DIS3L2: variants seen among roughly 807,000 people sequenced by gnomAD.
DIS3L2 encodes DIS3-like exonuclease 2.
Under a neutral mutation model 97.5 loss-of-function variants are expected in DIS3L2, and 34 were observed. That is an observed-to-expected ratio of 0.35 (90% CI 0.27 to 0.46). The LOEUF is 0.46. Ranked by LOEUF, DIS3L2 falls within the 20% of genes least tolerant of loss-of-function variation. The pLI, the probability that DIS3L2 is intolerant of heterozygous loss-of-function variation, is 1.00. For missense variants in DIS3L2, 1,038 were observed against 1,146.0 expected (o/e 0.91, Z 1.36); for synonymous variants, 435 against 445.2 (o/e 0.98, Z 0.29).
chr2:232,343,310 G>A (rs749303530), intron 13 of DIS3L2: 138 of 1,536,696 alleles, frequency 9.0e-5, no homozygotes, highest in Non-Finnish European at 1.1e-4. Flanking sequence ...ATGAAACCGC[G>A]CCTCCTCATC....
chr2:232,313,972 C>T (rs1176958675), intron 14 of DIS3L2, among the ~76,000 whole-genome samples: 1 of 152,220 alleles, frequency 6.6e-6, no homozygotes, highest in African/African-American at 2.4e-5. Context: ...TCAGTTATCT[C>T]CCACCACGTC....
chr2:231,982,666 T>C (rs114112644), intron 1 of DIS3L2, among the ~76,000 whole-genome samples: 2,174 of 151,564 alleles, frequency 0.014, 27 homozygotes, highest in Non-Finnish European at 0.022. Context: ...ATTTGTTTCT[T>C]AGTGTTTTAT....
chr2:232,339,938 G>T (rs1320488701), downstream of DIS3L2, among the ~76,000 whole-genome samples: 2 of 152,178 alleles, frequency 1.3e-5, no homozygotes, highest in Non-Finnish European at 2.9e-5. Context: ...CCAGGTCAGG[G>T]GAGCTGGAGC....
intron 1 of DIS3L2, among the ~76,000 whole-genome samples, chr2:231,974,462 TG>T (rs781130891): frequency 2.5e-4 from 38 of 152,134 alleles, no homozygotes; most frequent in South Asian, 1.5e-3. Flanking sequence ...TTTTCTGTGG[TG>T]TCTAATCTGT....
At chr2:232,015,005 C>A in intron 2 of DIS3L2, 26 bp downstream of exon 2, 1 of 1,612,708 alleles carries the variant, frequency 6.2e-7, no homozygotes, top group Non-Finnish European at 8.5e-7. Context: ...TGGAGTCTGC[C>A]TGAATAACTG....
intron 11 of DIS3L2, among the ~76,000 whole-genome samples, chr2:232,245,392 G>A (rs1693221178): frequency 6.6e-6 from 1 of 152,212 alleles, no homozygotes; most frequent in African/African-American, 2.4e-5. Flanking sequence ...CCTCCACAGG[G>A]ATCCTGCTGT....
chr2:232,135,346 G>A (rs1478280563), intron 7 of DIS3L2, among the ~76,000 whole-genome samples: 1 of 152,150 alleles, frequency 6.6e-6, no homozygotes, highest in African/African-American at 2.4e-5. Flanking sequence ...GGGTGTGGCA[G>A]TGCAGCATGG....
intron 1 of DIS3L2, among the ~76,000 whole-genome samples, chr2:232,006,417 TG>T (rs1390193160): frequency 6.6e-6 from 1 of 152,090 alleles, no homozygotes; most frequent in African/African-American, 2.4e-5. Flanking sequence ...AGACAGAATT[TG>T]GTAATAGAGT....
chr2:232,225,124 A>G (rs997969313), intron 10 of DIS3L2, among the ~76,000 whole-genome samples: 1 of 152,118 alleles, frequency 6.6e-6, no homozygotes, highest in Non-Finnish European at 1.5e-5. Context: ...AGCAATTACA[A>G]CTCTCATATA....
chr2:232,148,293 C>T (rs549172445), intron 8 of DIS3L2, among the ~76,000 whole-genome samples: 19 of 152,214 alleles, frequency 1.2e-4, no homozygotes, highest in Admixed American at 5.9e-4. Flanking sequence ...GTGATCCACC[C>T]GCCTTGGCCT....
chr2:232,200,729 T>G (rs1287755025), intron 9 of DIS3L2, among the ~76,000 whole-genome samples: 1 of 151,968 alleles, frequency 6.6e-6, no homozygotes, highest in East Asian at 1.9e-4. Context: ...AGGCTATGAT[T>G]CATTCAGGCA....
Position 232,202,898 on chromosome 2 carries a change from G to A in DIS3L2, c.1125-7428G>A, listed in dbSNP as rs571834771. On this transcript the variant is annotated intron_variant, in intron 9 of 20. Transcript: ENST00000325385. ...ACTACCGTCGAAAAAAAGAAAAGGC[G>A]CAGCCCCACTGAGCAAGGGGACAGA... Among the ~76,000 whole-genome samples the A allele has an allele frequency of 3.9e-5, 6 of 152,322 alleles. No homozygotes were observed. The South Asian group carries it at 1.2e-3, about 32-fold the overall frequency.
At chr2:232,011,709 GCA>G (rs1694205645) in intron 1 of DIS3L2, among the ~76,000 whole-genome samples, 1 of 151,642 alleles carries the variant, frequency 6.6e-6, no homozygotes, top group Non-Finnish European at 1.5e-5. Context: ...AGGCTGGAGT[GCA>G]CAGTCTCGGC....
At chr2:232,034,982 T>G (rs577647501) in intron 5 of DIS3L2, among the ~76,000 whole-genome samples, 3 of 152,234 alleles carry the variant, frequency 2.0e-5, no homozygotes, top group Non-Finnish European at 2.9e-5. Flanking sequence ...GACTATTAGG[T>G]CCTCTTGATC....
At position 232,228,076 on chromosome 2, in the gene DIS3L2, C is replaced by T. The variant is rs181172281; in HGVS notation, c.1205-10457C>T. Among the ~76,000 whole-genome samples the T allele has an allele frequency of 5.9e-3, 896 of 152,260 alleles. 5 individuals carry two copies. Among genetic ancestry groups the T allele is most frequent in the Middle Eastern group, 0.01 (3 of 294 alleles). On this transcript the variant is annotated intron_variant, in intron 10 of 20. Coordinates refer to ENST00000325385, the MANE Select transcript of DIS3L2 (RefSeq NM_152383.5). ...TCCGCCTCCCGGTTCAAGCGATTCT[C>T]CTGCCTCAGCCTCCTGAGTAGCTGG...
At chr2:232,061,669 T>C (rs1343424315) in intron 5 of DIS3L2, among the ~76,000 whole-genome samples, 4 of 152,250 alleles carry the variant, frequency 2.6e-5, no homozygotes, top group Non-Finnish European at 5.9e-5. Context: ...TACCTTCCTC[T>C]ATTGTATTAC....
intron 10 of DIS3L2, among the ~76,000 whole-genome samples, chr2:232,232,218 A>G (rs1486437550): frequency 6.6e-6 from 1 of 152,118 alleles, no homozygotes; most frequent in Non-Finnish European, 1.5e-5. Flanking sequence ...TGGAAGAAAC[A>G]AGACCATGGG....
intron 7 of DIS3L2, among the ~76,000 whole-genome samples, chr2:232,134,557 G>T (rs2106353492): frequency 6.6e-6 from 1 of 152,294 alleles, no homozygotes; most frequent in Middle Eastern, 3.4e-3. Flanking sequence ...GGATGCAGTG[G>T]CTCACGCCCA....
At chr2:231,981,131 A>G (rs1693243240) in intron 1 of DIS3L2, among the ~76,000 whole-genome samples, 1 of 151,990 alleles carries the variant, frequency 6.6e-6, no homozygotes, top group Admixed American at 6.6e-5. Flanking sequence ...TTTATTAGAG[A>G]TGGGGTTTCT....
Sources: gnomAD v4.1 joint callset for allele counts (sites outside exome capture counted in the v4.1 genomes callset) on GRCh38, gnomAD v4.1.1 for gene constraint, MANE v1.5 for transcripts, NCBI Gene and HGNC (gene_info 2026-07-23, HGNC 2026-07-21) for gene names.